TEX26: variants seen among roughly 807,000 people sequenced by gnomAD.
TEX26 encodes testis expressed 26.
In TEX26, 34 loss-of-function variants were observed where a neutral mutation model predicts 35.3. The observed-to-expected ratio is 0.96, with a 90% CI of 0.73 to 1.28. The LOEUF is 1.28. Ranked by LOEUF, TEX26 falls within the 50% of genes most tolerant of loss-of-function variation. The pLI is 0.00. For synonymous variants in TEX26, 136 were observed against 111.8 expected (o/e 1.22, Z -1.36); for missense variants, 371 against 330.1 (o/e 1.12, Z -0.96).
intron 1 of TEX26, among the ~76,000 whole-genome samples, chr13:30,938,511 T>G (rs1953357185): frequency 6.6e-6 from 1 of 151,924 alleles, no homozygotes. Flanking sequence ...CTAGCCCAGG[T>G]CTCTCATCCT....
chr13:30,974,156 A>ATATATAT (rs1566172295), intron 6 of TEX26, among the ~76,000 whole-genome samples: 10 of 142,268 alleles, frequency 7.0e-5, no homozygotes, highest in African/African-American at 1.5e-4. Context: ...ATATATATAT[A>ATATATAT]ATTAGGAGTA....
chr13:30,966,185 G>A (rs774926909), intron 4 of TEX26, 37 bp from the exon 5 acceptor site: 1 of 1,611,908 alleles, frequency 6.2e-7, no homozygotes, highest in African/African-American at 1.3e-5. Context: ...TTGTTCACAA[G>A]GAGTAAGTAT....
At chr13:30,961,169 T>C (rs1954325156) in intron 4 of TEX26, among the ~76,000 whole-genome samples, 1 of 152,174 alleles carries the variant, frequency 6.6e-6, no homozygotes, top group Non-Finnish European at 1.5e-5. Flanking sequence ...TGACCCCTCT[T>C]TTTTTCAATC....
At chr13:30,938,832 A>G (rs537599419) in intron 1 of TEX26, among the ~76,000 whole-genome samples, 11 of 152,014 alleles carry the variant, frequency 7.2e-5, no homozygotes, top group Non-Finnish European at 1.3e-4. Flanking sequence ...CAGCCCCTTC[A>G]CTGGCTCCTC....
At chr13:30,949,652 TATCCAAAA>T (rs971197435) in intron 2 of TEX26, among the ~76,000 whole-genome samples, 3 of 151,960 alleles carry the variant, frequency 2.0e-5, no homozygotes, top group Admixed American at 6.6e-5. Context: ...TATTGCATTA[TATCCAAAA>T]ATAATGCAAT....
At chr13:30,966,432 C>CT (rs10523710) in intron 5 of TEX26, 34 bp downstream of exon 5, 136,006 of 956,774 alleles carry the variant, frequency 0.14, 3,800 homozygotes, top group Admixed American at 0.15. Flanking sequence ...TTCTTTTTCT[C>CT]TTTTTTTTTT....
intron 2 of TEX26, among the ~76,000 whole-genome samples, chr13:30,941,974 A>G (rs553552519): frequency 2.6e-5 from 4 of 152,136 alleles, no homozygotes; most frequent in Non-Finnish European, 4.4e-5. Flanking sequence ...GTAAACATAC[A>G]TGTACAGTTG....
chr13:30,969,211 G>A (rs1185017241), intron 6 of TEX26, among the ~76,000 whole-genome samples, 165 bp downstream of exon 6: 3 of 149,596 alleles, frequency 2.0e-5, no homozygotes, highest in African/African-American at 7.4e-5. Context: ...TCAATCCACT[G>A]AAAAGACATT....
At chr13:30,964,185 C>T (rs1425194327) in intron 4 of TEX26, among the ~76,000 whole-genome samples, 1 of 152,220 alleles carries the variant, frequency 6.6e-6, no homozygotes, top group African/African-American at 2.4e-5. Flanking sequence ...ATTCAAAGCT[C>T]TGAGTCGTAT....
chr13:30,955,328 T>C (rs1347156788), intron 3 of TEX26, among the ~76,000 whole-genome samples: 1 of 152,200 alleles, frequency 6.6e-6, no homozygotes, highest in Non-Finnish European at 1.5e-5. Context: ...CACCTGCCAA[T>C]TTGCAGGAAA....
chr13:30,971,774 T>C (rs567654216), intron 6 of TEX26, among the ~76,000 whole-genome samples: 82 of 152,322 alleles, frequency 5.4e-4, no homozygotes, highest in Non-Finnish European at 1.0e-3. Context: ...AGCTTACTCA[T>C]TGGGCAACTG....
At chr13:30,959,637 A>G (rs1431498922) in intron 4 of TEX26, among the ~76,000 whole-genome samples, 1 of 152,090 alleles carries the variant, frequency 6.6e-6, no homozygotes, top group East Asian at 1.9e-4. Flanking sequence ...GTTTTTCTCT[A>G]CGTGTTTACT....
intron 2 of TEX26, among the ~76,000 whole-genome samples, chr13:30,943,747 C>T (rs530446554): frequency 1.7e-4 from 26 of 151,722 alleles, no homozygotes; most frequent in African/African-American, 5.3e-4. Context: ...TTTTTGATTC[C>T]GTTTATGTGA....
intron 1 of TEX26, 127 bp downstream of exon 1, chr13:30,932,903 G>C: frequency 9.7e-7 from 1 of 1,026,858 alleles, no homozygotes; most frequent in Non-Finnish European, 1.4e-6. Flanking sequence ...ATGCTCAACT[G>C]AGGAAAAGAC....
intron 5 of TEX26, among the ~76,000 whole-genome samples, chr13:30,967,097 T>C (rs1954564687): frequency 6.6e-6 from 1 of 152,190 alleles, no homozygotes. Context: ...AATTTTCTAT[T>C]GGAAGTGTAT....
In TEX26 at chr13:30,975,453, A is replaced by G. The variant is rs1593625642; in HGVS notation, c.*546A>G. On this transcript the variant is annotated 3_prime_UTR_variant, in exon 7 of 7. Coordinates refer to ENST00000380473, the MANE Select transcript of TEX26 (RefSeq NM_152325.3). Reference sequence around the variant, plus strand: ...TTTAATTGTATACTTGAATTGTTCAATTCTGAAAGAATATTGGAACCTCCC... The same window carrying G: ...TTTAATTGTATACTTGAATTGTTCAGTTCTGAAAGAATATTGGAACCTCCC... 6.6e-6 allele frequency: 1 copy of G among 152,120 alleles called. No individual in the cohort carries two copies. Among genetic ancestry groups the G allele is most frequent in the Admixed American group, 6.5e-5 (1 of 15,274 alleles). The allele number at this position is 152,120 out of a possible 1,614,324, so 9.4% of individuals were successfully genotyped here. A position where few individuals can be genotyped will look rare whatever the true frequency, so the allele number is the denominator to read the frequency against.
intron 1 of TEX26, among the ~76,000 whole-genome samples, chr13:30,937,901 T>C (rs553648421): frequency 1.3e-5 from 2 of 152,178 alleles, no homozygotes; most frequent in Non-Finnish European, 2.9e-5. Flanking sequence ...GATGAGGAGA[T>C]GAACATTAAG....
chr13:30,957,086 A>AT, intron 4 of TEX26, 57 bp downstream of exon 4: 1 of 1,548,948 alleles, frequency 6.5e-7, no homozygotes, highest in Non-Finnish European at 8.8e-7. Flanking sequence ...CTGGAGTTGC[A>AT]GTGGTCGGCA....
In TEX26 at chr13:30,975,153, C is replaced by A; in HGVS notation, c.*246C>A. 1 of 274,532 alleles carries A rather than the reference C, an allele frequency of 3.6e-6. No individual in the cohort carries two copies. Among genetic ancestry groups the A allele is most frequent in the South Asian group, 1.3e-4 (1 of 7,962 alleles). The allele number at this position is 274,532 out of a possible 1,614,324, so 17.0% of individuals were successfully genotyped here. Reference sequence around the variant, plus strand: ...TTTGATACAATGTTTTTTTCTTTTCCCTTTTGGATACTTAATTTGTAGTTT... The same window carrying A: ...TTTGATACAATGTTTTTTTCTTTTCACTTTTGGATACTTAATTTGTAGTTT... On this transcript the variant is annotated 3_prime_UTR_variant, in exon 7 of 7. Coordinates refer to ENST00000380473, the MANE Select transcript of TEX26 (RefSeq NM_152325.3).
Sources: gnomAD v4.1 joint callset for allele counts (sites outside exome capture counted in the v4.1 genomes callset) on GRCh38, gnomAD v4.1.1 for gene constraint, MANE v1.5 for transcripts, NCBI Gene and HGNC (gene_info 2026-07-23, HGNC 2026-07-21) for gene names.